Variants in STX12 observed in about 807,000 individuals in gnomAD.
STX12 encodes syntaxin-12.
Under a neutral mutation model 42.2 loss-of-function variants are expected in STX12, and 17 were observed. The ratio of observed to expected loss-of-function variants is 0.40; its 90% confidence interval spans 0.28 to 0.60. STX12 has a LOEUF of 0.60. Among genes scored for constraint, STX12 ranks in the 20% least tolerant of loss-of-function variants. STX12 has a pLI of 0.39. For synonymous variants in STX12, 108 were observed against 116.7 expected, an observed-to-expected ratio of 0.93 and a Z score of 0.48; for missense variants, 297 against 330.9, an observed-to-expected ratio of 0.90 and a Z score of 0.79.
At chr1:27,818,251 T>C (rs58642821) in intron 7 of STX12, among the ~76,000 whole-genome samples, 18,766 of 151,986 alleles carry the variant, frequency 0.12, 3,855 homozygotes, top group African/African-American at 0.43. Flanking sequence ...CCTGGTGGCA[T>C]GCACCTGTAG....
At chr1:27,820,074 T>C (rs542029384) in intron 8 of STX12, 1 of 169,142 alleles carries the variant, frequency 5.9e-6, no homozygotes, top group South Asian at 1.5e-4. Flanking sequence ...GAAGACTTCA[T>C]AGATTCTTTA....
chr1:27,796,735 T>C (rs2148601876), intron 3 of STX12, among the ~76,000 whole-genome samples: 1 of 147,142 alleles, frequency 6.8e-6, no homozygotes, highest in East Asian at 2.0e-4. Context: ...AGAGTTTCGC[T>C]CTTGTTGCCC....
intron 1 of STX12, among the ~76,000 whole-genome samples, chr1:27,781,380 G>A (rs778909606): frequency 2.6e-5 from 4 of 152,040 alleles, no homozygotes; most frequent in Non-Finnish European, 5.9e-5. Flanking sequence ...TGAATCCCTT[G>A]CCCTGCAATA....
chr1:27,774,869 TCA>T (rs1197873571), intron 1 of STX12, among the ~76,000 whole-genome samples: 8 of 152,146 alleles, frequency 5.3e-5, no homozygotes, highest in South Asian at 2.1e-4. Context: ...GGATGGGGTC[TCA>T]CTATGTTGCC....
intron 1 of STX12, among the ~76,000 whole-genome samples, chr1:27,775,578 A>G (rs1188340994): frequency 6.6e-6 from 1 of 152,160 alleles, no homozygotes; most frequent in Non-Finnish European, 1.5e-5. Context: ...GGCCTTCAAC[A>G]TATATTTATT....
intron 2 of STX12, among the ~76,000 whole-genome samples, chr1:27,790,895 C>T (rs931418852): frequency 7.3e-5 from 11 of 151,404 alleles, no homozygotes; most frequent in African/African-American, 2.2e-4. Context: ...GAGCCAAGAT[C>T]GCACCATTGC....
At position 27,773,223 on chromosome 1, in the gene STX12, G is replaced by C; in HGVS notation, c.-85G>C. ...TCCTTCCCCGCCCTTGCTCTTCCCAGTTTCTCCGTCAGCCTGCGGGTCCCG... is the reference window on the plus strand; with the variant it reads ...TCCTTCCCCGCCCTTGCTCTTCCCACTTTCTCCGTCAGCCTGCGGGTCCCG... On this transcript the variant is annotated 5_prime_UTR_variant, in exon 1 of 9. Coordinates refer to ENST00000373943, the MANE Select transcript of STX12 (RefSeq NM_177424.3). The C allele has an allele frequency of 1.1e-6, 1 of 889,054 alleles. No homozygotes were observed. Among genetic ancestry groups the C allele is most frequent in the African/African-American group, 1.7e-5 (1 of 59,578 alleles). The allele number at this position is 889,054 out of a possible 1,614,324, so 55.1% of individuals were successfully genotyped here.
intron 1 of STX12, among the ~76,000 whole-genome samples, chr1:27,779,395 G>T (rs1045251824): frequency 6.6e-6 from 1 of 151,076 alleles, no homozygotes; most frequent in African/African-American, 2.5e-5. Flanking sequence ...GTGCCATGGC[G>T]CAATCTTGGC....
At chr1:27,799,906 C>T (rs962026423) in intron 3 of STX12, among the ~76,000 whole-genome samples, 1 of 152,206 alleles carries the variant, frequency 6.6e-6, no homozygotes, top group Non-Finnish European at 1.5e-5. Flanking sequence ...TGCCTGCCAC[C>T]ATGTCTAGGT....
chr1:27,796,774 C>T (rs1048905751), intron 3 of STX12, among the ~76,000 whole-genome samples: 1 of 150,940 alleles, frequency 6.6e-6, no homozygotes, highest in African/African-American at 2.4e-5. Flanking sequence ...GGTGCAATCT[C>T]GGCTCACCAC....
chr1:27,810,376 T>C, intron 5 of STX12, 87 bp downstream of exon 5: 1 of 1,326,912 alleles, frequency 7.5e-7, no homozygotes, highest in South Asian at 1.3e-5. Flanking sequence ...AATGAAAAAA[T>C]AGAGGGCAAA....
At position 27,773,287 on chromosome 1, in the gene STX12, A is replaced by G. The variant is rs759538493; in HGVS notation, c.-21A>G. Reference sequence around the variant, plus strand: ...TCCGGTAGGAGAGCGGTGTAGAGCGAGCAGGTCTCAGCTCCTCGTCATGTC... The same window carrying G: ...TCCGGTAGGAGAGCGGTGTAGAGCGGGCAGGTCTCAGCTCCTCGTCATGTC... On this transcript the variant is annotated 5_prime_UTR_variant, in exon 1 of 9. Coordinates refer to ENST00000373943, the MANE Select transcript of STX12 (RefSeq NM_177424.3). 2.1e-6 allele frequency: 3 copies of G among 1,446,306 alleles called. No homozygotes were observed. The highest frequency in any genetic ancestry group is 2.5e-5 in the East Asian group (1 of 39,802). The allele number at this position is 1,446,306 out of a possible 1,614,324, so 89.6% of individuals were successfully genotyped here. A position where few individuals can be genotyped will look rare whatever the true frequency, so the allele number is the denominator to read the frequency against.
At chr1:27,799,495 T>A (rs931889355) in intron 3 of STX12, among the ~76,000 whole-genome samples, 9 of 150,788 alleles carry the variant, frequency 6.0e-5, no homozygotes, top group Admixed American at 5.9e-4. Flanking sequence ...TTTTGTTTTT[T>A]TTTTTGAGAC....
chr1:27,790,325 A>G (rs2088731113), intron 2 of STX12, among the ~76,000 whole-genome samples: 1 of 152,118 alleles, frequency 6.6e-6, no homozygotes. Context: ...CAAAACAACA[A>G]AGCTTCCACA....
At chr1:27,774,809 A>T (rs187823304) in intron 1 of STX12, among the ~76,000 whole-genome samples, 1 of 152,282 alleles carries the variant, frequency 6.6e-6, no homozygotes, top group East Asian at 1.9e-4. Context: ...AGTAGCAAGG[A>T]CTACAAGGAT....
intron 7 of STX12, 99 bp from the exon 8 acceptor site, chr1:27,819,551 T>G: frequency 1.1e-6 from 1 of 940,252 alleles, no homozygotes; most frequent in Non-Finnish European, 1.6e-6. Flanking sequence ...GTTTGGATAG[T>G]GGTAGTGAAA....
chr1:27,816,534 G>T (rs964276730), intron 6 of STX12, among the ~76,000 whole-genome samples: 1 of 151,014 alleles, frequency 6.6e-6, no homozygotes, highest in Non-Finnish European at 1.5e-5. Context: ...GGCTGGGCGC[G>T]GTGGATCATG....
chr1:27,775,182 G>A (rs993849294), intron 1 of STX12, among the ~76,000 whole-genome samples: 7 of 152,114 alleles, frequency 4.6e-5, no homozygotes, highest in Admixed American at 3.3e-4. Flanking sequence ...CATTCAACAT[G>A]TATCCATCTA....
intron 1 of STX12, among the ~76,000 whole-genome samples, chr1:27,782,577 C>A (rs924455480): frequency 6.6e-6 from 1 of 152,164 alleles, no homozygotes; most frequent in Non-Finnish European, 1.5e-5. Flanking sequence ...GTGACTCACA[C>A]CTGTAATTCC....
Sources: allele counts gnomAD v4.1 joint callset (sites outside exome capture counted in the v4.1 genomes callset), GRCh38; gene constraint gnomAD v4.1.1; transcripts MANE v1.5; gene names NCBI Gene and HGNC (gene_info 2026-07-23, HGNC 2026-07-21).